The following SLC9A9 variants were observed in gnomAD, a reference collection of about 807,000 sequenced individuals.
The protein encoded by SLC9A9 is solute carrier family 9 member A9, also known as sodium/hydrogen exchanger 9.
In SLC9A9, 62 loss-of-function variants were observed where a neutral mutation model predicts 77.8. The observed-to-expected ratio is 0.80, with a 90% CI of 0.65 to 0.98. SLC9A9 has a LOEUF of 0.98. Ranked by LOEUF, SLC9A9 falls within the 50% of genes least tolerant of loss-of-function variation. The probability of loss-of-function intolerance (pLI) is 0.00; values close to 1 mark genes in which losing one functional copy is unlikely to be tolerated. For synonymous variants in SLC9A9, 320 were observed against 283.5 expected (o/e 1.13, Z -1.29); for missense variants, 775 against 774.9 (o/e 1.00, Z 0.00).
intron 2 of SLC9A9, among the ~76,000 whole-genome samples, chr3:143,815,602 A>G (rs1384329811): frequency 6.6e-6 from 1 of 152,060 alleles, no homozygotes; most frequent in African/African-American, 2.4e-5. Flanking sequence ...GCAGTGGCTC[A>G]CACCTGTAAT....
At chr3:143,686,612 A>G (rs751278171) in intron 5 of SLC9A9, among the ~76,000 whole-genome samples, 4 of 152,142 alleles carry the variant, frequency 2.6e-5, no homozygotes, top group Non-Finnish European at 4.4e-5. Context: ...GTATCTCCAC[A>G]TATCTTTACA....
intron 9 of SLC9A9, among the ~76,000 whole-genome samples, chr3:143,509,432 C>G (rs1344068572): frequency 6.6e-6 from 1 of 152,062 alleles, no homozygotes; most frequent in Non-Finnish European, 1.5e-5. Flanking sequence ...GTTTTTTGAG[C>G]TTTCTTTTGA....
At chr3:143,797,403 G>T (rs2008415618) in intron 2 of SLC9A9, among the ~76,000 whole-genome samples, 1 of 152,076 alleles carries the variant, frequency 6.6e-6, no homozygotes, top group African/African-American at 2.4e-5. Flanking sequence ...AAATAAACTT[G>T]GCCATAAAGC....
intron 4 of SLC9A9, among the ~76,000 whole-genome samples, chr3:143,717,715 A>G (rs2108800538): frequency 6.6e-6 from 1 of 152,280 alleles, no homozygotes; most frequent in East Asian, 1.9e-4. Context: ...ATTCTGATAT[A>G]CTAGTTTGAA....
At chr3:143,439,811 A>ACTGCCTTCT (rs772722329) in intron 12 of SLC9A9, among the ~76,000 whole-genome samples, 1 of 151,972 alleles carries the variant, frequency 6.6e-6, no homozygotes, top group Non-Finnish European at 1.5e-5. Flanking sequence ...GGCAGGTGGG[A>ACTGCCTTCT]AGGAGGTGGT....
chr3:143,448,748 G>A (rs1334074558), intron 12 of SLC9A9, among the ~76,000 whole-genome samples: 1 of 146,964 alleles, frequency 6.8e-6, no homozygotes, highest in Non-Finnish European at 1.5e-5. Flanking sequence ...AATAATCACA[G>A]TATCATTTAT....
At chr3:143,619,097 T>C (rs1013313615) in intron 6 of SLC9A9, among the ~76,000 whole-genome samples, 1 of 152,222 alleles carries the variant, frequency 6.6e-6, no homozygotes, top group Non-Finnish European at 1.5e-5. Flanking sequence ...GCTGCTGAGG[T>C]AGTTTTCTAA....
At chr3:143,273,889 T>C (rs1050124515) in intron 14 of SLC9A9, among the ~76,000 whole-genome samples, 1 of 152,216 alleles carries the variant, frequency 6.6e-6, no homozygotes, top group African/African-American at 2.4e-5. Flanking sequence ...GAGATTCAAA[T>C]CTTAAATAGT....
At chr3:143,731,852 C>G in intron 4 of SLC9A9, among the ~76,000 whole-genome samples, 1 of 152,182 alleles carries the variant, frequency 6.6e-6, no homozygotes, top group East Asian at 1.9e-4. Flanking sequence ...TCCCCATGAT[C>G]TGTTTGCCTC....
At chr3:143,311,010 C>T (rs1331121294) in intron 14 of SLC9A9, among the ~76,000 whole-genome samples, 1 of 152,208 alleles carries the variant, frequency 6.6e-6, no homozygotes, top group Non-Finnish European at 1.5e-5. Context: ...CCCAAGGTTG[C>T]AAAAGGGAAG....
chr3:143,645,308 G>A (rs2108742268), intron 6 of SLC9A9, among the ~76,000 whole-genome samples: 2 of 152,236 alleles, frequency 1.3e-5, no homozygotes, highest in Middle Eastern at 6.8e-3. Context: ...ATTATTTTAG[G>A]AATATATTTT....
In SLC9A9 at chr3:143,748,964, A is replaced by G. The variant is rs540606070; in HGVS notation, c.533+46037T>C. Among the ~76,000 whole-genome samples the G allele has an allele frequency of 8.9e-3, 1,349 of 151,920 alleles. 10 individuals are homozygous for G. Among genetic ancestry groups the G allele is most frequent in the Non-Finnish European group, 0.01 (680 of 67,940 alleles). ...ATGATCCACCCGCCTCGGCCTCCCA[A>G]AGTGCTGGGATTACAGGCGTGAGCC... On this transcript the variant is annotated intron_variant, in intron 4 of 15. Transcript: ENST00000316549.
intron 14 of SLC9A9, among the ~76,000 whole-genome samples, chr3:143,273,728 C>A (rs1369135673): frequency 1.3e-5 from 2 of 152,098 alleles, no homozygotes; most frequent in Non-Finnish European, 2.9e-5. Flanking sequence ...TCATCTAGAA[C>A]GTTTGTTAAA....
chr3:143,820,983 A>G (rs2009152665), intron 2 of SLC9A9, among the ~76,000 whole-genome samples: 1 of 151,162 alleles, frequency 6.6e-6, no homozygotes, highest in Admixed American at 6.6e-5. Context: ...CCCCCATCAC[A>G]TGACCTCACC....
intron 14 of SLC9A9, among the ~76,000 whole-genome samples, chr3:143,287,232 A>G (rs1384838253): frequency 6.6e-6 from 1 of 152,128 alleles, no homozygotes; most frequent in Non-Finnish European, 1.5e-5. Flanking sequence ...AGCTGATAAC[A>G]TTCCCTATTT....
intron 8 of SLC9A9, among the ~76,000 whole-genome samples, chr3:143,558,316 G>C (rs1212239698): frequency 1.3e-5 from 2 of 152,156 alleles, no homozygotes; most frequent in Admixed American, 6.5e-5. Flanking sequence ...GTCTCCACTA[G>C]GGCACTGCCT....
intron 14 of SLC9A9, among the ~76,000 whole-genome samples, chr3:143,296,391 G>T (rs1391758785): frequency 6.6e-6 from 1 of 152,172 alleles, no homozygotes; most frequent in Non-Finnish European, 1.5e-5. Context: ...CATATGGGAA[G>T]ATTTTCTTCT....
chr3:143,744,259 T>G (rs1001479375), intron 4 of SLC9A9, among the ~76,000 whole-genome samples: 2 of 152,218 alleles, frequency 1.3e-5, no homozygotes, highest in African/African-American at 2.4e-5. Flanking sequence ...GTCCTCAGAC[T>G]TCCACTTTGC....
At chr3:143,483,076 T>C (rs838643) in intron 11 of SLC9A9, among the ~76,000 whole-genome samples, 33,413 of 152,214 alleles carry the variant, frequency 0.22, 4,806 homozygotes, top group Non-Finnish European at 0.33. Flanking sequence ...TTAACTGCAT[T>C]GGAGACACCC....
Sources: allele counts gnomAD v4.1 joint callset (sites outside exome capture counted in the v4.1 genomes callset), GRCh38; gene constraint gnomAD v4.1.1; transcripts MANE v1.5; gene names NCBI Gene and HGNC (gene_info 2026-07-23, HGNC 2026-07-21).